NALCN: variants seen among roughly 807,000 people sequenced by gnomAD.
NALCN encodes sodium leak channel, non-selective.
Under a neutral mutation model 225.3 loss-of-function variants are expected in NALCN, and 111 were observed. The observed-to-expected ratio is 0.49, with a 90% CI of 0.42 to 0.58. The LOEUF is 0.58. Among genes scored for constraint, NALCN ranks in the 20% least tolerant of loss-of-function variants. NALCN has a pLI of 0.00. For missense variants in NALCN, 1,378 were observed against 2,202.4 expected (o/e 0.63, Z 7.49); for synonymous variants, 764 against 769.0 (o/e 0.99, Z 0.11).
At chr13:101,112,493 G>T (rs1214255602) in intron 18 of NALCN, among the ~76,000 whole-genome samples, 1 of 152,158 alleles carries the variant, frequency 6.6e-6, no homozygotes, top group Admixed American at 6.5e-5. Flanking sequence ...TTGATAAGTG[G>T]CAAGAAAATA....
intron 18 of NALCN, among the ~76,000 whole-genome samples, chr13:101,123,525 T>C (rs2036082113): frequency 6.6e-6 from 1 of 152,176 alleles, no homozygotes; most frequent in East Asian, 1.9e-4. Context: ...GGGGCGCAGG[T>C]TGTCTATTTC....
At chr13:101,081,206 A>T (rs2033628736) in intron 34 of NALCN, among the ~76,000 whole-genome samples, 1 of 152,230 alleles carries the variant, frequency 6.6e-6, no homozygotes, top group African/African-American at 2.4e-5. Flanking sequence ...TCTCTGTTGC[A>T]GTCTTCCTCT....
chr13:101,191,953 G>A lies in NALCN; in HGVS notation c.1728C>T (p.Ala576=), dbSNP rs1188121468. The change falls in exon 14 of 44, where the codon GCC becomes GCT. Residue 576 remains alanine, a synonymous_variant. Coordinates refer to ENST00000251127, the MANE Select transcript of NALCN (RefSeq NM_052867.4). Reference sequence around the variant, plus strand: ...AAAGATGATAGAGAATGAAATAGATGGCAACCACGGGTGCCCACATATGTC... The same window carrying A: ...AAAGATGATAGAGAATGAAATAGATAGCAACCACGGGTGCCCACATATGTC... ...AVGHMWAPVV[A]IYFILYHLFA... 6.2e-7 allele frequency: 1 copy of A among 1,608,806 alleles called. No homozygotes were observed. Among genetic ancestry groups the A allele is most frequent in the Non-Finnish European group, 8.5e-7 (1 of 1,177,802 alleles).
chr13:101,213,173 C>G (rs2040593388), intron 13 of NALCN, among the ~76,000 whole-genome samples: 1 of 151,946 alleles, frequency 6.6e-6, no homozygotes, highest in African/African-American at 2.4e-5. Flanking sequence ...CTTTGACAAA[C>G]CTGACAAAAA....
chr13:101,316,235 T>C (rs1211640290), intron 7 of NALCN, among the ~76,000 whole-genome samples: 1 of 152,206 alleles, frequency 6.6e-6, no homozygotes, highest in Non-Finnish European at 1.5e-5. Context: ...CAGATGACAA[T>C]GGTCTAATTC....
chr13:101,355,169 G>C (rs2046017279), intron 6 of NALCN, among the ~76,000 whole-genome samples: 1 of 152,152 alleles, frequency 6.6e-6, no homozygotes, highest in Non-Finnish European at 1.5e-5. Flanking sequence ...AAGCTGAGCA[G>C]GTGCCTGGTG....
intron 7 of NALCN, among the ~76,000 whole-genome samples, chr13:101,330,684 G>A (rs967500566): frequency 3.9e-5 from 6 of 152,158 alleles, no homozygotes; most frequent in Non-Finnish European, 4.4e-5. Context: ...CCACCCAAAT[G>A]TCATCTTGAA....
intron 13 of NALCN, among the ~76,000 whole-genome samples, chr13:101,207,311 C>A (rs1420235752): frequency 6.6e-6 from 1 of 152,146 alleles, no homozygotes; most frequent in African/African-American, 2.4e-5. Context: ...GTCCATTTGA[C>A]ATTTTCTTAC....
chr13:101,194,149 T>C (rs1026256443), intron 13 of NALCN, among the ~76,000 whole-genome samples: 1 of 152,194 alleles, frequency 6.6e-6, no homozygotes, highest in African/African-American at 2.4e-5. Flanking sequence ...CAGTAGCTGC[T>C]TGGGAACGTG....
At chr13:101,281,360 T>C (rs1446227997) in intron 10 of NALCN, among the ~76,000 whole-genome samples, 1 of 152,222 alleles carries the variant, frequency 6.6e-6, no homozygotes, top group Non-Finnish European at 1.5e-5. Flanking sequence ...TGCATGTTTC[T>C]TTCAAGACTA....
chr13:101,258,305 TAAG>T (rs1444216084), intron 11 of NALCN, 135 bp downstream of exon 11: 3 of 1,298,246 alleles, frequency 2.3e-6, no homozygotes, highest in African/African-American at 2.9e-5. Flanking sequence ...AGGAACCACT[TAAG>T]AAGCAGACAA....
chr13:101,295,083 T>C (rs2043693888), intron 7 of NALCN, among the ~76,000 whole-genome samples: 1 of 152,112 alleles, frequency 6.6e-6, no homozygotes, highest in Admixed American at 6.5e-5. Context: ...CCCTCATGCA[T>C]CTGTTCATAG....
chr13:101,227,359 C>T (rs6491602), intron 13 of NALCN, among the ~76,000 whole-genome samples: 77,239 of 151,880 alleles, frequency 0.51, 19,928 homozygotes, highest in Non-Finnish European at 0.54. Flanking sequence ...AAGCATACCC[C>T]GAGAATGACC....
intron 14 of NALCN, among the ~76,000 whole-genome samples, chr13:101,187,061 A>C (rs1290252773): frequency 6.6e-6 from 1 of 152,152 alleles, no homozygotes; most frequent in Non-Finnish European, 1.5e-5. Context: ...CCCCCCCCTT[A>C]TCCACTGTCT....
chr13:101,281,216 C>A (rs775807874), intron 10 of NALCN, among the ~76,000 whole-genome samples: 1 of 152,092 alleles, frequency 6.6e-6, no homozygotes, highest in Non-Finnish European at 1.5e-5. Flanking sequence ...AAAGCGGACC[C>A]CAATTTATAT....
chr13:101,222,648 G>A (rs1430714143), intron 13 of NALCN, among the ~76,000 whole-genome samples: 3 of 152,074 alleles, frequency 2.0e-5, no homozygotes, highest in Non-Finnish European at 4.4e-5. Context: ...TTGCCTTTGG[G>A]CACATCCGCC....
chr13:101,387,227 C>CA (rs747159185), intron 3 of NALCN, among the ~76,000 whole-genome samples: 3,417 of 28,904 alleles, frequency 0.12, 571 homozygotes, highest in African/African-American at 0.2. Flanking sequence ...GACTCCGTCT[C>CA]AAAAAAAAAA....
At chr13:101,196,199 G>GC (rs1326017385) in intron 13 of NALCN, among the ~76,000 whole-genome samples, 3 of 151,912 alleles carry the variant, frequency 2.0e-5, no homozygotes, top group Admixed American at 6.6e-5. Flanking sequence ...TTTTGTTTTT[G>GC]CTGAGATTTT....
chr13:101,173,361 C>G (rs114201786), intron 15 of NALCN, among the ~76,000 whole-genome samples: 260 of 152,262 alleles, frequency 1.7e-3, no homozygotes, highest in Middle Eastern at 6.8e-3. Context: ...TAGTTTGAAT[C>G]AATACAGTTT....
Sources: gnomAD v4.1 joint callset for allele counts (sites outside exome capture counted in the v4.1 genomes callset) on GRCh38, gnomAD v4.1.1 for gene constraint, MANE v1.5 for transcripts, NCBI Gene and HGNC (gene_info 2026-07-23, HGNC 2026-07-21) for gene names.